Variants in TANC1 observed in about 807,000 individuals in gnomAD.
The protein encoded by TANC1 is tetratricopeptide repeat, ankyrin repeat and coiled-coil containing 1.
In TANC1, 77 loss-of-function variants were observed where a neutral mutation model predicts 149.7. That is an observed-to-expected ratio of 0.51 (90% CI 0.43 to 0.62). The LOEUF (loss-of-function observed/expected upper bound fraction) is 0.62, where lower values mean the gene tolerates loss of function less well. TANC1 is among the 20% of genes least tolerant of loss of function. The pLI is 0.00. For missense variants in TANC1, 1,985 were observed against 2,321.8 expected (o/e 0.85, Z 2.98); for synonymous variants, 854 against 925.0 (o/e 0.92, Z 1.39).
At chr2:159,045,317 A>AGCTAC (rs1188169709) in intron 2 of TANC1, among the ~76,000 whole-genome samples, 1 of 152,138 alleles carries the variant, frequency 6.6e-6, no homozygotes, top group Non-Finnish European at 1.5e-5. Flanking sequence ...CTGTAGTCCC[A>AGCTAC]GCTACTCGGG....
chr2:159,121,179 C>T (rs1296336951), intron 4 of TANC1, among the ~76,000 whole-genome samples: 1 of 152,192 alleles, frequency 6.6e-6, no homozygotes, highest in Non-Finnish European at 1.5e-5. Flanking sequence ...TGGGGTTTCT[C>T]CCAGCTGGCT....
chr2:159,203,332 G>A (rs559337091), intron 19 of TANC1, among the ~76,000 whole-genome samples: 12 of 150,398 alleles, frequency 8.0e-5, no homozygotes, highest in East Asian at 2.0e-4. Context: ...TCAGCCTCCC[G>A]AGTAGCTGGG....
intron 1 of TANC1, among the ~76,000 whole-genome samples, chr2:158,986,322 A>G (rs1314601030): frequency 6.6e-6 from 1 of 152,152 alleles, no homozygotes; most frequent in Non-Finnish European, 1.5e-5. Context: ...CAATACTATA[A>G]CAGCACTCTC....
intron 17 of TANC1, among the ~76,000 whole-genome samples, chr2:159,194,971 G>A (rs1487029487): frequency 1.3e-5 from 2 of 152,162 alleles, no homozygotes; most frequent in East Asian, 3.8e-4. Flanking sequence ...GCCAGCCCTA[G>A]GGTATTGGGC....
At chr2:159,118,946 G>T (rs1574790472) in intron 4 of TANC1, among the ~76,000 whole-genome samples, 1 of 152,206 alleles carries the variant, frequency 6.6e-6, no homozygotes, top group South Asian at 2.1e-4. Context: ...TACACAAACA[G>T]CAGACATCTT....
chr2:159,075,417 A>G (rs11680925), intron 3 of TANC1, among the ~76,000 whole-genome samples: 1 of 47,074 alleles, frequency 2.1e-5, no homozygotes, highest in African/African-American at 4.2e-5. Flanking sequence ...AAAAAAAAAC[A>G]AAAAAAAAAC....
chr2:159,079,518 T>C (rs1338177346), intron 3 of TANC1, among the ~76,000 whole-genome samples: 1 of 152,180 alleles, frequency 6.6e-6, no homozygotes, highest in Non-Finnish European at 1.5e-5. Flanking sequence ...CTCCAAAGCC[T>C]ATGTTTTGGG....
intron 3 of TANC1, among the ~76,000 whole-genome samples, chr2:159,068,856 C>A (rs545625698): frequency 6.6e-6 from 1 of 152,206 alleles, no homozygotes; most frequent in African/African-American, 2.4e-5. Flanking sequence ...TCTCCTGCCT[C>A]AGCCTCCCGA....
At chr2:159,016,614 AC>A in intron 2 of TANC1, among the ~76,000 whole-genome samples, 1 of 148,354 alleles carries the variant, frequency 6.7e-6, no homozygotes, top group South Asian at 2.1e-4. Flanking sequence ...TCGCTCTGTC[AC>A]CCAGGGTGGA....
intron 1 of TANC1, among the ~76,000 whole-genome samples, chr2:158,974,907 ATTTTTTTTTTTTT>A (rs3028258): frequency 9.7e-6 from 1 of 103,288 alleles, no homozygotes; most frequent in Non-Finnish European, 1.8e-5. Flanking sequence ...TAATTTTTGT[ATTTTTTTTTTTTT>A]TTTTTTTTTG....
intron 5 of TANC1, among the ~76,000 whole-genome samples, chr2:159,145,721 A>G (rs1356116474): frequency 1.3e-5 from 2 of 152,136 alleles, no homozygotes; most frequent in Non-Finnish European, 2.9e-5. Context: ...ACTTCCCTTT[A>G]CCTTTCTCCA....
intron 1 of TANC1, among the ~76,000 whole-genome samples, chr2:158,998,301 C>G (rs1022858247): frequency 6.6e-6 from 1 of 151,956 alleles, no homozygotes; most frequent in East Asian, 1.9e-4. Flanking sequence ...ACATACCCCC[C>G]ACCTAGATTC....
rs545025376 is a variant in TANC1 at position 159,169,290 on chromosome 2, C to T, written c.987C>T (p.Asp329=). The change falls in exon 9 of 27, where the codon GAC becomes GAT. Residue 329 remains aspartate (D), a synonymous_variant. Coordinates refer to ENST00000263635, the MANE Select transcript of TANC1 (RefSeq NM_033394.3). ...STKLEDLSYL[D]GQRNAPLRTS... ...AATTGGAAGATCTGAGTTATTTAGA[C>T]GGGCAGAGAAATGCTCCTCTACGGA... 3.1e-5 allele frequency: 50 copies of T among 1,612,964 alleles called. No individual in the cohort carries two copies. The East Asian group carries it at 3.3e-4, about 11-fold the overall frequency.
intron 1 of TANC1, among the ~76,000 whole-genome samples, chr2:158,988,663 A>G (rs1248192588): frequency 1.3e-5 from 2 of 152,108 alleles, no homozygotes. Context: ...TTACTCAGTC[A>G]CTTAACAGGA....
chr2:159,101,811 T>C (rs2149952968), intron 4 of TANC1, among the ~76,000 whole-genome samples: 1 of 152,280 alleles, frequency 6.6e-6, no homozygotes, highest in South Asian at 2.1e-4. Flanking sequence ...TATCAAACAA[T>C]CAAAACATCA....
intron 3 of TANC1, among the ~76,000 whole-genome samples, chr2:159,067,552 G>A (rs1359522167): frequency 2.0e-5 from 3 of 152,198 alleles, no homozygotes; most frequent in African/African-American, 7.2e-5. Context: ...TGTCTTTCTT[G>A]TTAGTTTTCT....
At chr2:159,206,427 AG>A (rs1272048816) in intron 19 of TANC1, among the ~76,000 whole-genome samples, 1 of 152,184 alleles carries the variant, frequency 6.6e-6, no homozygotes, top group African/African-American at 2.4e-5. Flanking sequence ...AAGAAGGCAG[AG>A]GGGTCAGGTC....
At chr2:159,143,079 C>CAA (rs57371944) in intron 5 of TANC1, among the ~76,000 whole-genome samples, 34,569 of 133,110 alleles carry the variant, frequency 0.26, 4,975 homozygotes, top group South Asian at 0.4. Flanking sequence ...AAAAAAAAAA[C>CAA]AACAAAACAA....
chr2:159,062,975 A>C (rs1203831469), intron 2 of TANC1, among the ~76,000 whole-genome samples: 2 of 72,688 alleles, frequency 2.8e-5, no homozygotes, highest in Non-Finnish European at 5.9e-5. Flanking sequence ...CTCCGTCTCA[A>C]AAAAAAAAAA....
Sources: allele counts gnomAD v4.1 joint callset (sites outside exome capture counted in the v4.1 genomes callset), GRCh38; gene constraint gnomAD v4.1.1; transcripts MANE v1.5; gene names NCBI Gene and HGNC (gene_info 2026-07-23, HGNC 2026-07-21).